Variants in LARS1 observed in about 807,000 individuals in gnomAD.
LARS1 encodes leucyl-tRNA synthetase 1.
In LARS1, 100 loss-of-function variants were observed where a neutral mutation model predicts 162.8. The ratio of observed to expected loss-of-function variants is 0.61; its 90% CI spans 0.52 to 0.73. LARS1 has a LOEUF of 0.73. Among genes scored for constraint, LARS1 ranks in the 30% least tolerant of loss-of-function variants. LARS1 has a pLI of 0.00. For missense variants in LARS1, 1,258 were observed against 1,408.9 expected (o/e 0.89, Z 1.71); for synonymous variants, 457 against 462.8 (o/e 0.99, Z 0.16).
chr5:146,132,822 G>C (rs1357300081), intron 23 of LARS1, 76 bp downstream of exon 23: 46 of 1,052,842 alleles, frequency 4.4e-5, no homozygotes, highest in Middle Eastern at 2.8e-4. Flanking sequence ...AAAAAGAAAA[G>C]AAAAGAAAAA....
At chr5:146,152,608 T>C (rs1215139192) in intron 13 of LARS1, among the ~76,000 whole-genome samples, 6 of 152,320 alleles carry the variant, frequency 3.9e-5, no homozygotes, top group Non-Finnish European at 1.5e-5. Context: ...TGCTGGTCCA[T>C]GGAAAAATTG....
chr5:146,157,202 A>C (rs1753569038), intron 10 of LARS1, among the ~76,000 whole-genome samples: 1 of 152,180 alleles, frequency 6.6e-6, no homozygotes, highest in Non-Finnish European at 1.5e-5. Context: ...TGGAGTGCTA[A>C]AACTGTTCTA....
chr5:146,120,538 G>A (rs17104250), intron 30 of LARS1, 35 bp from the exon 31 acceptor site: 1 of 1,597,534 alleles, frequency 6.3e-7, no homozygotes. Flanking sequence ...TGTTTAACTT[G>A]AATACTGCTG....
In LARS1 at chr5:146,177,657, T is replaced by C; in HGVS notation, c.15A>G (p.Lys5=). 1 of 1,557,782 alleles carries C rather than the reference T, an allele frequency of 6.4e-7. No homozygotes were observed. The highest frequency in any genetic ancestry group is 8.8e-7 in the Non-Finnish European group (1 of 1,133,402). Reference sequence around the variant, plus strand: ...TCAAAAAGTCCACTTTGGCTGTTCCTTTTCTTTCCTATTGGACACAAAGAG... The same window carrying C: ...TCAAAAAGTCCACTTTGGCTGTTCCCTTTCTTTCCTATTGGACACAAAGAG... The part of the protein sequence containing the change: MAER[K]GTAKVDFLKK... Residue 5 remains lysine (K), a synonymous_variant, in exon 2 of 32, where the codon AAA becomes AAG. Coordinates refer to ENST00000394434, the MANE Select transcript of LARS1 (RefSeq NM_020117.11).
chr5:146,160,116 G>T (rs1753712705), intron 7 of LARS1, among the ~76,000 whole-genome samples: 1 of 151,984 alleles, frequency 6.6e-6, no homozygotes, highest in South Asian at 2.1e-4. Context: ...AGGCTACAAG[G>T]TATTTATTTA....
chr5:146,180,017 G>T (rs1365331272), intron 1 of LARS1, among the ~76,000 whole-genome samples: 1 of 152,208 alleles, frequency 6.6e-6, no homozygotes, highest in African/African-American at 2.4e-5. Flanking sequence ...CAACAGGCAG[G>T]AACTTTTAAA....
chr5:146,153,359 T>A, intron 12 of LARS1, 132 bp from the exon 13 acceptor site: 1 of 673,226 alleles, frequency 1.5e-6, no homozygotes, highest in Non-Finnish European at 2.5e-6. Context: ...TAGAGAGCAA[T>A]TTTCTAACTT....
At chr5:146,152,258 A>C (rs996965007) in intron 13 of LARS1, among the ~76,000 whole-genome samples, 20 of 151,938 alleles carry the variant, frequency 1.3e-4, no homozygotes, top group Non-Finnish European at 7.4e-5. Flanking sequence ...CACCTTTCCC[A>C]ACACTCTATC....
intron 30 of LARS1, among the ~76,000 whole-genome samples, chr5:146,122,048 G>A (rs1046321306): frequency 2.6e-5 from 4 of 151,692 alleles, no homozygotes; most frequent in African/African-American, 9.7e-5. Flanking sequence ...AAACTAAGAG[G>A]TTAAAAAAAG....
rs1291112240 is a variant in LARS1 at position 146,182,597 on chromosome 5, C to A, written c.-104G>T. 3 of 1,487,116 alleles carry A rather than the reference C, an allele frequency of 2.0e-6. No individual in the cohort carries two copies. The highest frequency in any genetic ancestry group is 1.9e-6 in the Non-Finnish European group (2 of 1,065,296). The allele number at this position is 1,487,116 out of a possible 1,614,324, so 92.1% of individuals were successfully genotyped here. On this transcript the variant is annotated 5_prime_UTR_variant, in exon 1 of 32. Coordinates refer to ENST00000394434, the MANE Select transcript of LARS1 (RefSeq NM_020117.11). ...CCTCTCGGGGATGCCAGGCCTCCCA[C>A]GAAACTAAAGCACACGCTTCACACC...
rs34658033 is a variant in LARS1 at position 146,181,848 on chromosome 5, C to CTTTTTTTTTTT, written c.6+629_6+639dup. Among the ~76,000 whole-genome samples, 305 of 53,032 alleles carry CTTTTTTTTTTT rather than the reference C, an allele frequency of 5.8e-3. 61 individuals are homozygous for CTTTTTTTTTTT. The highest frequency in any genetic ancestry group is 7.0e-3 in the Non-Finnish European group (211 of 30,310). The allele number at this position is 53,032 out of a possible 152,430, so 34.8% of individuals were successfully genotyped here. Reference sequence around the variant, plus strand: ...TTTACGGAGAGGCGCTCAATTTTTTCTTTTTTTTTTTTTTTTTTTTTTTTT... The same window carrying CTTTTTTTTTTT: ...TTTACGGAGAGGCGCTCAATTTTTTCTTTTTTTTTTTTTTTTTTTTTTTTTTTTTTTTTTTT... On this transcript the variant is annotated intron_variant, in intron 1 of 31. Transcript: ENST00000394434.
At chr5:146,137,178 G>A (rs1042653308) in intron 21 of LARS1, among the ~76,000 whole-genome samples, 1 of 152,180 alleles carries the variant, frequency 6.6e-6, no homozygotes, top group East Asian at 1.9e-4. Flanking sequence ...GATTATAGGC[G>A]TGAGTCACCG....
rs772813243 is a variant in LARS1 at position 146,131,148 on chromosome 5, G to T, written c.2397-39C>A. ...GGAAAAAAAGGTTATTGAGTTTAAA[G>T]GCACTTATACATAGCTATAAAAAAC... is the stretch of plus-strand genomic sequence containing the variant. On this transcript the variant is annotated intron_variant, in intron 23 of 31. Coordinates refer to ENST00000394434, the MANE Select transcript of LARS1 (RefSeq NM_020117.11). 6 of 1,054,502 alleles carry T rather than the reference G, an allele frequency of 5.7e-6. No individual in the cohort carries two copies. In the South Asian group the frequency reaches 9.0e-5, roughly 16 times the overall value. The allele number at this position is 1,054,502 out of a possible 1,614,324, so 65.3% of individuals were successfully genotyped here.
In LARS1 at chr5:146,114,095, T is replaced by C; in HGVS notation, c.*11A>G. 6.3e-7 allele frequency: 1 copy of C among 1,597,196 alleles called. No individual in the cohort carries two copies. Among genetic ancestry groups the C allele is most frequent in the South Asian group, 1.1e-5 (1 of 90,722 alleles). ...CTAAGAAACCAGGATAAATCTCCAA[T>C]GTGCATGAGTTTAATGAACCAGATA... is the stretch of plus-strand genomic sequence containing the variant. On this transcript the variant is annotated 3_prime_UTR_variant, in exon 32 of 32. Coordinates refer to ENST00000394434, the MANE Select transcript of LARS1 (RefSeq NM_020117.11).
intron 13 of LARS1, among the ~76,000 whole-genome samples, chr5:146,152,501 A>G (rs997558440): frequency 3.3e-5 from 5 of 152,144 alleles, no homozygotes; most frequent in Admixed American, 6.5e-5. Flanking sequence ...TGAACTGTGC[A>G]TGGAGGGATC....
chr5:146,123,264 T>G (rs1018041040), intron 29 of LARS1, among the ~76,000 whole-genome samples: 7 of 151,994 alleles, frequency 4.6e-5, no homozygotes, highest in African/African-American at 1.4e-4. Context: ...ACTTTTTGAG[T>G]GCTCTAACAG....
intron 20 of LARS1, among the ~76,000 whole-genome samples, chr5:146,141,743 C>A (rs1326449166): frequency 1.3e-5 from 2 of 152,058 alleles, no homozygotes; most frequent in African/African-American, 4.8e-5. Context: ...CTGCAGTGAG[C>A]CAAGATCATG....
chr5:146,160,607 A>G (rs1418134181), intron 6 of LARS1, 121 bp from the exon 7 acceptor site: 2 of 493,462 alleles, frequency 4.1e-6, no homozygotes, highest in Non-Finnish European at 3.6e-6. Context: ...TATTAAAAAT[A>G]ATTTTCCAAG....
At chr5:146,154,651 G>A (rs1442893435) in intron 10 of LARS1, among the ~76,000 whole-genome samples, 3 of 151,928 alleles carry the variant, frequency 2.0e-5, no homozygotes, top group South Asian at 2.1e-4. Context: ...GGTGGCATGC[G>A]CCTGTAGTCC....
Sources: allele counts gnomAD v4.1 joint callset (sites outside exome capture counted in the v4.1 genomes callset), GRCh38; gene constraint gnomAD v4.1.1; transcripts MANE v1.5; gene names NCBI Gene and HGNC (gene_info 2026-07-23, HGNC 2026-07-21).